The following PPDPF variants were observed in gnomAD, a reference collection of about 807,000 sequenced individuals.
PPDPF encodes exocrine differentiation and proliferation factor.
A neutral mutation model predicts 6.3 loss-of-function variants in PPDPF; 11 were observed. The ratio of observed to expected loss-of-function variants is 1.76; its 90% CI spans 1.11 to 2.91. The LOEUF is 2.91. Ranked by LOEUF, PPDPF falls within the 30% of genes most tolerant of loss-of-function variation. The probability of loss-of-function intolerance (pLI) is 0.00; values close to 1 mark genes in which losing one functional copy is unlikely to be tolerated. For synonymous variants in PPDPF, 86 were observed against 64.5 expected (o/e 1.33, Z -1.60); for missense variants, 202 against 159.4 (o/e 1.27, Z -1.44).
At chr20:63,521,198 C>A in intron 1 of PPDPF, 86 bp from the exon 2 acceptor site, 1 of 1,281,684 alleles carries the variant, frequency 7.8e-7, no homozygotes, top group Non-Finnish European at 1.1e-6. Context: ...CGGTAAATAA[C>A]CCAGCGCGGC....
chr20:63,520,969 C>T (rs2082539089), intron 1 of PPDPF, 75 bp downstream of exon 1: 1 of 990,810 alleles, frequency 1.0e-6, no homozygotes, highest in African/African-American at 1.7e-5. Context: ...GGGCCGGGGG[C>T]TCCTCTCCTC....
chr20:63,521,303 T>C lies in PPDPF; in HGVS notation c.-6T>C. 6.2e-7 allele frequency: 1 copy of C among 1,609,872 alleles called. No homozygotes were observed. Among genetic ancestry groups the C allele is most frequent in the South Asian group, 1.1e-5 (1 of 90,588 alleles). On this transcript the variant is annotated 5_prime_UTR_variant, in exon 2 of 4. Coordinates refer to ENST00000370179, the MANE Select transcript of PPDPF (RefSeq NM_024299.4). The stretch of plus-strand genomic sequence containing the variant: ...GCGCAGATCCCACCAGCCAGCAAGC[T>C]AAAGCATGGCGGCCATCCCCTCCAG...
rs760224545 is a variant in PPDPF at position 63,521,363 on chromosome 20, C to T, written c.55C>T (p.Arg19Cys). Reference sequence around the variant, plus strand: ...CGTGGCCACCCACGACTACTACCGGCGTGAGTAGCCCCTGCCCCCCATCCA... The same window carrying T: ...CGTGGCCACCCACGACTACTACCGGTGTGAGTAGCCCCTGCCCCCCATCCA... ...SLVATHDYYR[R>C]RLGSTSSNSS... is the part of the protein sequence containing the mutation. The change falls in exon 2 of 4, where the codon CGC (arginine) becomes TGC (cysteine). Residue 19 changes from arginine to cysteine, a missense_variant and splice_region_variant. Arg to Cys is a radical substitution (Grantham distance 180). Coordinates refer to ENST00000370179, the MANE Select transcript of PPDPF (RefSeq NM_024299.4). 1.2e-6 allele frequency: 2 copies of T among 1,609,030 alleles called. No individual in the cohort carries two copies. The highest frequency in any genetic ancestry group is 1.1e-5 in the South Asian group (1 of 90,630).
Position 63,521,268 on chromosome 20 carries a change from C to G in PPDPF, c.-25-16C>G, listed in dbSNP as rs1484259603. On this transcript the variant is annotated splice_polypyrimidine_tract_variant and intron_variant, in intron 1 of 3. Transcript: ENST00000370179. ...AAGGCCGCTGACCCGAGGGGCTCCT[C>G]CACCCCCATGCGCAGATCCCACCAG... 4 of 1,577,492 alleles carry G rather than the reference C, an allele frequency of 2.5e-6. No individual in the cohort carries two copies. Among genetic ancestry groups the G allele is most frequent in the Non-Finnish European group, 3.4e-6 (4 of 1,160,070 alleles).
In PPDPF at chr20:63,522,140, GA is replaced by G; in HGVS notation, c.*265del. On this transcript the variant is annotated 3_prime_UTR_variant, in exon 4 of 4. Coordinates refer to ENST00000370179, the MANE Select transcript of PPDPF (RefSeq NM_024299.4). ...GGAACTGTGCACCTGGCACCAAGCG[GA>G]AAATAAACTCCAAGCAGCCAGTAGC... 1.8e-6 allele frequency: 1 copy of G among 558,470 alleles called. No homozygotes were observed. Among genetic ancestry groups the G allele is most frequent in the Non-Finnish European group, 3.3e-6 (1 of 303,514 alleles). The allele number at this position is 558,470 out of a possible 1,614,324, so 34.6% of individuals were successfully genotyped here.
rs2145961849 is a variant in PPDPF, at chr20:63,521,880, C to T, written c.*1C>T. On this transcript the variant is annotated 3_prime_UTR_variant, in exon 4 of 4. Transcript: ENST00000370179. The stretch of plus-strand genomic sequence containing the variant: ...AGCCAGCGCTGGGCCCCCGTCCTGA[C>T]CTGAGCGGTTACCACCAGCCCCAGG... 2 of 1,578,056 alleles carry T rather than the reference C, an allele frequency of 1.3e-6. No individual in the cohort carries two copies. The highest frequency in any genetic ancestry group is 1.7e-6 in the Non-Finnish European group (2 of 1,162,928).
rs1394021595 is a variant in PPDPF at position 63,520,801 on chromosome 20, C to T, written c.-119C>T. The T allele has an allele frequency of 6.1e-6, 6 of 984,792 alleles. No individual in the cohort carries two copies. Among genetic ancestry groups the T allele is most frequent in the African/African-American group, 3.5e-5 (2 of 57,068 alleles). 61.0% of individuals were successfully genotyped at this position (984,792 alleles called of 1,614,324 possible). ...GCCTCTCTGTCGTGGCGCGGCTTCC[C>T]GCGGTCTTCTCTGCAAATGGGCTCC... On this transcript the variant is annotated 5_prime_UTR_variant, in exon 1 of 4. Coordinates refer to ENST00000370179, the MANE Select transcript of PPDPF (RefSeq NM_024299.4).
rs1425993209 is a variant in PPDPF, at chr20:63,521,986, A to AC, written c.*113dup. 1.1e-4 allele frequency: 63 copies of AC among 548,164 alleles called. No individual in the cohort carries two copies. In the East Asian group the frequency reaches 2.0e-3, roughly 18 times the overall value. 34.0% of individuals were successfully genotyped at this position (548,164 alleles called of 1,614,324 possible). On this transcript the variant is annotated 3_prime_UTR_variant, in exon 4 of 4. Coordinates refer to ENST00000370179, the MANE Select transcript of PPDPF (RefSeq NM_024299.4). ...TCCCTCGCCCCCCTCCCCACCTCCC[A>AC]CCCCCCACCCTGTAAACTAGGCGGC...
rs1431308812 is a variant in PPDPF at position 63,521,792 on chromosome 20, C to CAT, written c.259_260dup (p.Met87IlefsTer2). The CAT allele has an allele frequency of 6.2e-7, 1 of 1,612,558 alleles. No homozygotes were observed. The highest frequency in any genetic ancestry group is 1.7e-5 in the Admixed American group (1 of 60,014). ...CGGAACCTCCCCAGGCCTCCAGCAG[C>CAT]ATGACCGCCTGTGGCCTGGCTCGGG... On this transcript the variant is annotated frameshift_variant, in exon 4 of 4. Coordinates refer to ENST00000370179, the MANE Select transcript of PPDPF (RefSeq NM_024299.4). LOFTEE classifies it low-confidence loss of function (END_TRUNC).
rs1445211671 is a variant in PPDPF, at chr20:63,521,366, G to C, written c.55+3G>C. 1.9e-5 allele frequency: 31 copies of C among 1,608,784 alleles called. No homozygotes were observed. The highest frequency in any genetic ancestry group is 2.5e-5 in the Non-Finnish European group (30 of 1,178,306). On this transcript the variant is annotated splice_donor_region_variant and intron_variant, in intron 2 of 3. Coordinates refer to ENST00000370179, the MANE Select transcript of PPDPF (RefSeq NM_024299.4). ...GGCCACCCACGACTACTACCGGCGTGAGTAGCCCCTGCCCCCCATCCACGC... is the reference window on the plus strand; with the variant it reads ...GGCCACCCACGACTACTACCGGCGTCAGTAGCCCCTGCCCCCCATCCACGC...
At chr20:63,521,212 T>A in intron 1 of PPDPF, 72 bp from the exon 2 acceptor site, 5 of 1,353,666 alleles carry the variant, frequency 3.7e-6, no homozygotes, top group Non-Finnish European at 5.0e-6. Flanking sequence ...GCGCGGCGGC[T>A]CCACCCGCTG....
chr20:63,521,441 C>G, intron 2 of PPDPF, 71 bp from the exon 3 acceptor site: 6 of 1,579,024 alleles, frequency 3.8e-6, no homozygotes, highest in Non-Finnish European at 5.2e-6. Flanking sequence ...GCGGAACCAG[C>G]GCTCGGCCTG....
Position 63,521,775 on chromosome 20 carries a change from C to T in PPDPF, c.241C>T (p.Pro81Ser). Residue 81 changes from proline to serine, a missense_variant, in exon 4 of 4, where the codon CCC becomes TCC. By Grantham distance (74) the Pro-to-Ser change is moderately conservative. Coordinates refer to ENST00000370179, the MANE Select transcript of PPDPF (RefSeq NM_024299.4). ...VLESAEHSEPPQASSSMTACG... is the reference protein window; with the variant it reads ...VLESAEHSEPSQASSSMTACG... Reference sequence around the variant, plus strand: ...GGAGTCCGCAGAGCACTCGGAACCTCCCCAGGCCTCCAGCAGCATGACCGC... The same window carrying T: ...GGAGTCCGCAGAGCACTCGGAACCTTCCCAGGCCTCCAGCAGCATGACCGC... The T allele has an allele frequency of 6.2e-7, 1 of 1,612,792 alleles. No homozygotes were observed. The highest frequency in any genetic ancestry group is 8.5e-7 in the Non-Finnish European group (1 of 1,179,942).
In PPDPF at chr20:63,521,592, G is replaced by A; in HGVS notation, c.133+3G>A. 1.2e-6 allele frequency: 2 copies of A among 1,611,806 alleles called. No homozygotes were observed. The highest frequency in any genetic ancestry group is 1.7e-6 in the Non-Finnish European group (2 of 1,179,208). ...GGAAGCCATTCCCCACCCCCCAGGT[G>A]AGTGCAGGATCGCCCCTTTCTCCCC... On this transcript the variant is annotated splice_donor_region_variant and intron_variant, in intron 3 of 3. Coordinates refer to ENST00000370179, the MANE Select transcript of PPDPF (RefSeq NM_024299.4).
chr20:63,522,102 T>C lies in PPDPF; in HGVS notation c.*223T>C. The C allele has an allele frequency of 1.7e-6, 1 of 587,014 alleles. No individual in the cohort carries two copies. The highest frequency in any genetic ancestry group is 3.1e-6 in the Non-Finnish European group (1 of 319,440). 36.4% of individuals were successfully genotyped at this position (587,014 alleles called of 1,614,324 possible). A position where few individuals can be genotyped will look rare whatever the true frequency, so the allele number is the denominator to read the frequency against. ...CCGCCCGGCCCCAGCACTCGCTAGC[T>C]TTCCTGACACCTGGAACTGTGCACC... On this transcript the variant is annotated 3_prime_UTR_variant, in exon 4 of 4. Coordinates refer to ENST00000370179, the MANE Select transcript of PPDPF (RefSeq NM_024299.4).
intron 1 of PPDPF, 48 bp from the exon 2 acceptor site, chr20:63,521,236 A>C: frequency 2.7e-6 from 4 of 1,484,454 alleles, no homozygotes; most frequent in South Asian, 1.2e-5. Context: ...AGCGCCCTTC[A>C]TGACGGAAGG....
At position 63,522,177 on chromosome 20, in the gene PPDPF, T is replaced by G. The variant is rs2082555827; in HGVS notation, c.*298T>G. ...CAAGCAGCCAGTAGCCCCGATGGTGTGTGCCTGAGCTGTGTGGCCCGAGGT... is the reference window on the plus strand; with the variant it reads ...CAAGCAGCCAGTAGCCCCGATGGTGGGTGCCTGAGCTGTGTGGCCCGAGGT... On this transcript the variant is annotated 3_prime_UTR_variant, in exon 4 of 4. Coordinates refer to ENST00000370179, the MANE Select transcript of PPDPF (RefSeq NM_024299.4). The G allele has an allele frequency of 6.3e-6, 3 of 478,412 alleles. No individual in the cohort carries two copies. The highest frequency in any genetic ancestry group is 7.1e-5 in the Admixed American group (2 of 28,230). The allele number at this position is 478,412 out of a possible 1,614,324, so 29.6% of individuals were successfully genotyped here.
chr20:63,521,387 C>A, intron 2 of PPDPF, 24 bp downstream of exon 2: 1 of 1,604,946 alleles, frequency 6.2e-7, no homozygotes, highest in Non-Finnish European at 8.5e-7. Context: ...GCCCCCCATC[C>A]ACGCGGATGC....
Position 63,521,992 on chromosome 20 carries a change from CA to C in PPDPF, c.*114del. Reference sequence around the variant, plus strand: ...GCCCCCCTCCCCACCTCCCACCCCCCACCCTGTAAACTAGGCGGCTGCAGCA... The same window carrying C: ...GCCCCCCTCCCCACCTCCCACCCCCCCCCTGTAAACTAGGCGGCTGCAGCA... On this transcript the variant is annotated 3_prime_UTR_variant, in exon 4 of 4. Transcript: ENST00000370179. 1 of 804,654 alleles carries C rather than the reference CA, an allele frequency of 1.2e-6. No homozygotes were observed. Among genetic ancestry groups the C allele is most frequent in the Non-Finnish European group, 2.0e-6 (1 of 499,492 alleles). 49.8% of individuals were successfully genotyped at this position (804,654 alleles called of 1,614,324 possible). A position where few individuals can be genotyped will look rare whatever the true frequency, so the allele number is the denominator to read the frequency against.
Sources: gnomAD v4.1 joint callset for allele counts on GRCh38, gnomAD v4.1.1 for gene constraint, MANE v1.5 for transcripts, NCBI Gene and HGNC (gene_info 2026-07-23, HGNC 2026-07-21) for gene names.